WDR11: variants seen among roughly 807,000 people sequenced by gnomAD.
WDR11 encodes the protein WD repeat-containing protein 11.
A neutral mutation model predicts 151.2 loss-of-function variants in WDR11; 83 were observed. That is an observed-to-expected ratio of 0.55 (90% confidence interval 0.46 to 0.66). The LOEUF is 0.66. Among genes scored for constraint, WDR11 ranks in the 30% least tolerant of loss-of-function variants. The pLI, the probability that WDR11 is intolerant of heterozygous loss-of-function variation, is 0.00. For missense variants in WDR11, 1,301 were observed against 1,480.9 expected (o/e 0.88, Z 1.99); for synonymous variants, 484 against 533.1 (o/e 0.91, Z 1.27).
chr10:120,853,488 A>G (rs566637629), intron 2 of WDR11, among the ~76,000 whole-genome samples: 38 of 152,200 alleles, frequency 2.5e-4, no homozygotes, highest in African/African-American at 8.9e-4. Context: ...GATGGTCTCG[A>G]GCTCCTGACC....
intron 26 of WDR11, 123 bp downstream of exon 26, chr10:120,905,539 T>G (rs1228725791): frequency 6.0e-6 from 6 of 995,126 alleles, no homozygotes; most frequent in Non-Finnish European, 9.5e-6. Flanking sequence ...AAATACTGTC[T>G]TGGAACCTTT....
intron 21 of WDR11, among the ~76,000 whole-genome samples, chr10:120,901,929 TTGA>T (rs200080400): frequency 0.013 from 1,999 of 152,322 alleles, 18 homozygotes; most frequent in Non-Finnish European, 0.018. Flanking sequence ...TTTACTGTTC[TTGA>T]TGATTTTTTC....
At chr10:120,864,874 A>T (rs1334646543) in intron 5 of WDR11, among the ~76,000 whole-genome samples, 173 bp from the exon 6 acceptor site, 1 of 152,150 alleles carries the variant, frequency 6.6e-6, no homozygotes, top group Non-Finnish European at 1.5e-5. Flanking sequence ...TAGCATTTGG[A>T]TTTTGGTACA....
Position 120,852,638 on chromosome 10 carries a change from A to G in WDR11, c.198+3A>G, listed in dbSNP as rs1845820050. The stretch of plus-strand genomic sequence containing the variant: ...AGCATAAAGCTGATGTTGTAAAGGT[A>G]AGTAAAATCCCACTTTGACGCTAAC... On this transcript the variant is annotated splice_donor_region_variant and intron_variant, in intron 2 of 28. Transcript: ENST00000263461. 1 of 1,612,252 alleles carries G rather than the reference A, an allele frequency of 6.2e-7. No homozygotes were observed. The highest frequency in any genetic ancestry group is 1.1e-5 in the South Asian group (1 of 90,962).
At chr10:120,874,176 G>T (rs1474101844) in intron 11 of WDR11, among the ~76,000 whole-genome samples, 37 of 83,478 alleles carry the variant, frequency 4.4e-4, no homozygotes, top group African/African-American at 1.2e-3. Flanking sequence ...GGTTTTTGCA[G>T]TTTTTTTTTT....
intron 12 of WDR11, chr10:120,879,004 T>C (rs985983895): frequency 6.6e-6 from 1 of 152,194 alleles, no homozygotes; most frequent in Non-Finnish European, 1.5e-5. Context: ...ACCCAGTGAA[T>C]TTCAAAATAA....
intron 14 of WDR11, among the ~76,000 whole-genome samples, chr10:120,884,501 G>C (rs575829927): frequency 6.6e-6 from 1 of 151,606 alleles, no homozygotes; most frequent in South Asian, 2.1e-4. Flanking sequence ...CAGGACTAAA[G>C]ACCTAAATGT....
chr10:120,857,100 T>G (rs1845974662), intron 2 of WDR11, among the ~76,000 whole-genome samples: 1 of 150,396 alleles, frequency 6.6e-6, no homozygotes, highest in Non-Finnish European at 1.5e-5. Context: ...ATGTATGTAT[T>G]TTTTGCAAGA....
At chr10:120,908,389 T>G in intron 28 of WDR11, 167 bp from the exon 29 acceptor site, 2 of 693,336 alleles carry the variant, frequency 2.9e-6, no homozygotes, top group Non-Finnish European at 5.2e-6. Flanking sequence ...AATCACCCTC[T>G]GCCCGCGAAA....
At chr10:120,908,108 T>C (rs754422591) in intron 28 of WDR11, 7 of 187,284 alleles carry the variant, frequency 3.7e-5, no homozygotes, top group Non-Finnish European at 7.9e-5. Flanking sequence ...AAAAAACCAA[T>C]AGGACAGGGC....
chr10:120,892,268 T>C (rs916122075), intron 19 of WDR11, among the ~76,000 whole-genome samples: 1 of 152,266 alleles, frequency 6.6e-6, no homozygotes, highest in Non-Finnish European at 1.5e-5. Context: ...GGCCAGATTT[T>C]AGATCACATG....
intron 19 of WDR11, chr10:120,899,818 A>T: frequency 6.9e-6 from 4 of 582,734 alleles, no homozygotes; most frequent in Non-Finnish European, 6.0e-6. Flanking sequence ...AAAAAGGGGG[A>T]AAAGAAAAAT....
intron 12 of WDR11, 63 bp from the exon 13 acceptor site, chr10:120,880,763 C>G (rs1031977970): frequency 3.6e-6 from 5 of 1,400,500 alleles, no homozygotes; most frequent in Non-Finnish European, 5.0e-6. Context: ...ATTGGCGTGG[C>G]TTCTTGTTTT....
intron 26 of WDR11, 188 bp from the exon 27 acceptor site, chr10:120,905,688 C>T: frequency 9.3e-7 from 1 of 1,075,638 alleles, no homozygotes; most frequent in Non-Finnish European, 1.4e-6. Context: ...GAGGTATAGC[C>T]AGGCCCTGGG....
intron 3 of WDR11, 130 bp from the exon 4 acceptor site, chr10:120,859,977 ACG>A (rs1846084241): frequency 9.3e-6 from 8 of 862,026 alleles, no homozygotes; most frequent in Non-Finnish European, 1.3e-5. Context: ...ACACACACAC[ACG>A]TCACATTTGG....
chr10:120,905,641 C>A, intron 26 of WDR11: 1 of 825,788 alleles, frequency 1.2e-6, no homozygotes, highest in Non-Finnish European at 1.9e-6. Flanking sequence ...CAGCTGCCTC[C>A]TCTTTCTCCC....
intron 1 of WDR11, 152 bp from the exon 2 acceptor site, chr10:120,852,361 TCTTTTATTTAA>T: frequency 7.9e-6 from 5 of 636,322 alleles, no homozygotes; most frequent in African/African-American, 1.8e-5. Context: ...CTTAGCCAGA[TCTTTTATTTAA>T]GTGGGATAAT....
chr10:120,895,518 A>AG (rs899018835), intron 19 of WDR11, among the ~76,000 whole-genome samples: 2 of 152,314 alleles, frequency 1.3e-5, no homozygotes, highest in Admixed American at 6.5e-5. Flanking sequence ...ATTAAAAAAA[A>AG]AAATTCAAAG....
At chr10:120,876,012 C>G (rs10886791) in intron 11 of WDR11, among the ~76,000 whole-genome samples, 39,448 of 129,002 alleles carry the variant, frequency 0.31, 6,420 homozygotes, top group Admixed American at 0.43. Flanking sequence ...GAGTTTCGCT[C>G]TTGTTGCCCA....
Sources: allele counts gnomAD v4.1 joint callset (sites outside exome capture counted in the v4.1 genomes callset), GRCh38; gene constraint gnomAD v4.1.1; transcripts MANE v1.5; gene names NCBI Gene and HGNC (gene_info 2026-07-23, HGNC 2026-07-21).